The following GLG1 variants were observed in gnomAD, a reference collection of about 807,000 sequenced individuals.
GLG1 encodes golgi glycoprotein 1, also known as Golgi apparatus protein 1.
Under a neutral mutation model 160.5 loss-of-function variants are expected in GLG1, and 38 were observed. The ratio of observed to expected loss-of-function variants is 0.24; its 90% CI spans 0.18 to 0.31. GLG1 has a LOEUF of 0.31. GLG1 is among the 10% of genes least tolerant of loss of function. The pLI, the probability that GLG1 is intolerant of heterozygous loss-of-function variation, is 1.00. For synonymous variants in GLG1, 644 were observed against 543.4 expected (o/e 1.19, Z -2.57); for missense variants, 1,373 against 1,505.2 (o/e 0.91, Z 1.45).
intron 12 of GLG1, among the ~76,000 whole-genome samples, chr16:74,476,609 C>T (rs1009823378): frequency 4.6e-5 from 7 of 152,156 alleles, no homozygotes; most frequent in African/African-American, 1.2e-4. Context: ...GCTGAGTATC[C>T]TGCATTCAGA....
Position 74,451,287 on chromosome 16 carries a change from G to A in GLG1, c.*1880C>T, listed in dbSNP as rs978303694. 6.6e-6 allele frequency: 1 copy of A among 152,216 alleles called. No individual in the cohort carries two copies. Among genetic ancestry groups the A allele is most frequent in the African/African-American group, 2.4e-5 (1 of 41,440 alleles). 9.4% of individuals were successfully genotyped at this position (152,216 alleles called of 1,614,324 possible). A position where few individuals can be genotyped will look rare whatever the true frequency, so the allele number is the denominator to read the frequency against. On this transcript the variant is annotated 3_prime_UTR_variant, in exon 26 of 26. Transcript: ENST00000422840. ...GTTGACAATCAGGAAGACCCTACAA[G>A]CAGGACCGAGGGGACTAAGCAGCTT...
At chr16:74,598,377 C>T (rs962013562) in intron 1 of GLG1, among the ~76,000 whole-genome samples, 10 of 151,518 alleles carry the variant, frequency 6.6e-5, no homozygotes, top group Middle Eastern at 3.4e-3. Flanking sequence ...AAAAATTAGC[C>T]GGGCGTGGTG....
intron 1 of GLG1, among the ~76,000 whole-genome samples, chr16:74,537,419 T>C (rs1049273228): frequency 6.6e-6 from 1 of 151,742 alleles, no homozygotes; most frequent in African/African-American, 2.4e-5. Flanking sequence ...CACTTTTCTA[T>C]AGTAGTTAGC....
At position 74,462,491 on chromosome 16, in the gene GLG1, G is replaced by A; in HGVS notation, c.2931C>T (p.Asp977=). Residue 977 remains aspartate, a synonymous_variant, in exon 21 of 26, where the codon GAC becomes GAT. Transcript: ENST00000422840. The stretch of plus-strand genomic sequence containing the variant: ...TGGAGAGCCCAGGCCAGTTTACCTG[G>A]TCAGCATATCTCAGCTTCAGGCAAG... ...VISCLKLRYA[D]QRLSSDCEDQ... is the part of the protein sequence containing the mutation. The A allele has an allele frequency of 6.2e-7, 1 of 1,613,464 alleles. No individual in the cohort carries two copies. Among genetic ancestry groups the A allele is most frequent in the Non-Finnish European group, 8.5e-7 (1 of 1,179,398 alleles).
intron 25 of GLG1, 87 bp from the exon 26 acceptor site, chr16:74,453,421 G>T: frequency 2.6e-6 from 2 of 782,170 alleles, no homozygotes; most frequent in Non-Finnish European, 4.2e-6. Context: ...TCAGTTCCTA[G>T]TTTAATTTAT....
chr16:74,518,872 T>G (rs968011604), intron 2 of GLG1, among the ~76,000 whole-genome samples: 1 of 152,148 alleles, frequency 6.6e-6, no homozygotes, highest in Non-Finnish European at 1.5e-5. Context: ...TAGCAATGCT[T>G]TTACACTGTT....
At chr16:74,478,719 C>T (rs930067810) in intron 11 of GLG1, among the ~76,000 whole-genome samples, 3 of 151,596 alleles carry the variant, frequency 2.0e-5, no homozygotes, top group Non-Finnish European at 4.4e-5. Context: ...CGAGACCAGC[C>T]TGACCAATAT....
intron 1 of GLG1, among the ~76,000 whole-genome samples, chr16:74,569,969 G>C (rs1435923089): frequency 6.7e-6 from 1 of 149,646 alleles, no homozygotes; most frequent in Non-Finnish European, 1.5e-5. Flanking sequence ...GATCGCTTGA[G>C]CCCAGGAGTT....
intron 16 of GLG1, 33 bp downstream of exon 16, chr16:74,469,952 G>A (rs376417786): frequency 1.3e-5 from 17 of 1,326,918 alleles, no homozygotes; most frequent in Non-Finnish European, 1.6e-5. Context: ...GGAACTTCGG[G>A]AAAGTGGAAT....
chr16:74,531,844 T>A (rs1347886114), intron 2 of GLG1, among the ~76,000 whole-genome samples: 4 of 152,216 alleles, frequency 2.6e-5, no homozygotes, highest in African/African-American at 9.6e-5. Flanking sequence ...AACAGGAAAT[T>A]CTAAAGTTGT....
chr16:74,454,742 A>G (rs999890993), intron 25 of GLG1, among the ~76,000 whole-genome samples: 3 of 147,366 alleles, frequency 2.0e-5, no homozygotes, highest in Non-Finnish European at 4.5e-5. Flanking sequence ...ATGTTGCCCA[A>G]GCTGGTCTCG....
At chr16:74,535,893 G>A (rs975576288) in intron 1 of GLG1, among the ~76,000 whole-genome samples, 10 of 152,240 alleles carry the variant, frequency 6.6e-5, no homozygotes, top group African/African-American at 2.4e-4. Context: ...GAAATTTAGA[G>A]GGGTTTTTAG....
chr16:74,548,229 T>C (rs1233635654), intron 1 of GLG1, among the ~76,000 whole-genome samples: 1 of 152,248 alleles, frequency 6.6e-6, no homozygotes, highest in Non-Finnish European at 1.5e-5. Flanking sequence ...TGAACCTGTG[T>C]TCCAATTCTT....
chr16:74,564,169 T>C (rs1341274908), intron 1 of GLG1, among the ~76,000 whole-genome samples: 1 of 152,172 alleles, frequency 6.6e-6, no homozygotes, highest in Non-Finnish European at 1.5e-5. Flanking sequence ...TCCTCCCGCT[T>C]CGGCCTTCCA....
intron 2 of GLG1, among the ~76,000 whole-genome samples, chr16:74,527,987 C>T (rs1567504589): frequency 1.3e-5 from 2 of 150,586 alleles, no homozygotes; most frequent in Non-Finnish European, 3.0e-5. Context: ...CAGGGTCACA[C>T]CATTCTCCTG....
At chr16:74,522,562 T>G (rs952602733) in intron 2 of GLG1, among the ~76,000 whole-genome samples, 1 of 152,226 alleles carries the variant, frequency 6.6e-6, no homozygotes, top group Admixed American at 6.5e-5. Flanking sequence ...TTTATTCCAC[T>G]GGCTTTTCTT....
intron 4 of GLG1, among the ~76,000 whole-genome samples, chr16:74,502,549 T>G (rs537230945): frequency 9.4e-4 from 142 of 151,862 alleles, no homozygotes; most frequent in Middle Eastern, 6.8e-3. Flanking sequence ...TAATTTTTTT[T>G]TTTGTTTTTT....
chr16:74,536,905 G>A (rs1189833652), intron 1 of GLG1, among the ~76,000 whole-genome samples: 1 of 152,122 alleles, frequency 6.6e-6, no homozygotes, highest in Non-Finnish European at 1.5e-5. Flanking sequence ...AGCCTGTGGA[G>A]GCATCAAATT....
chr16:74,555,441 T>C (rs2018325305), intron 1 of GLG1, among the ~76,000 whole-genome samples: 2 of 152,130 alleles, frequency 1.3e-5, no homozygotes, highest in East Asian at 1.9e-4. Context: ...AATCCCAGCA[T>C]TTTGGGAGGC....
Sources: gnomAD v4.1 joint callset for allele counts (sites outside exome capture counted in the v4.1 genomes callset) on GRCh38, gnomAD v4.1.1 for gene constraint, MANE v1.5 for transcripts, NCBI Gene and HGNC (gene_info 2026-07-23, HGNC 2026-07-21) for gene names.